Variants in ABLIM2 observed in about 807,000 individuals in gnomAD.
ABLIM2 encodes actin-binding LIM protein 2.
ABLIM2 carries 53 observed loss-of-function variants against 97.7 expected under a neutral mutation model. The observed-to-expected ratio is 0.54, with a 90% CI of 0.44 to 0.68. The LOEUF (loss-of-function observed/expected upper bound fraction) is 0.68. Ranked by LOEUF, ABLIM2 falls within the 30% of genes least tolerant of loss-of-function variation. The probability of loss-of-function intolerance (pLI) is 0.00; values close to 1 mark genes in which losing one functional copy is unlikely to be tolerated. For missense variants in ABLIM2, 835 were observed against 867.2 expected (o/e 0.96, Z 0.47); for synonymous variants, 361 against 345.8 (o/e 1.04, Z -0.49).
At position 8,058,125 on chromosome 4, in the gene ABLIM2, G is replaced by A. The variant is rs1237582706; in HGVS notation, c.763+2842C>T. On this transcript the variant is annotated intron_variant, in intron 7 of 20. Transcript: ENST00000447017. The surrounding 1 kb of genome is among the most constrained non-coding windows in gnomAD (Gnocchi z 4.2). Reference sequence around the variant, plus strand: ...GAGGTTACCCTTGATGTGAACTCGTGTCCCCGAGCTGCTGTCCCAAGGCCA... The same window carrying A: ...GAGGTTACCCTTGATGTGAACTCGTATCCCCGAGCTGCTGTCCCAAGGCCA... Among the ~76,000 whole-genome samples the A allele has an allele frequency of 1.3e-5, 2 of 152,240 alleles. No individual in the cohort carries two copies. Among genetic ancestry groups the A allele is most frequent in the African/African-American group, 4.8e-5 (2 of 41,466 alleles).
At chr4:7,995,508 G>A (rs912598315) in intron 16 of ABLIM2, among the ~76,000 whole-genome samples, 12 of 152,168 alleles carry the variant, frequency 7.9e-5, no homozygotes, top group African/African-American at 2.9e-4. Context: ...TGCTTCTCCG[G>A]GGGCCTTTCA....
At position 8,019,670 on chromosome 4, in the gene ABLIM2, G is replaced by A; in HGVS notation, c.1371C>T (p.Asp457=). 1 of 1,611,972 alleles carries A rather than the reference G, an allele frequency of 6.2e-7. No individual in the cohort carries two copies. Among genetic ancestry groups the A allele is most frequent in the Non-Finnish European group, 8.5e-7 (1 of 1,178,788 alleles). Reference sequence around the variant, plus strand: ...TATAGATGTTATCTTTTACGCCAGTGTCTGGGGAAGAAGAAAGAAAAAAAA... The same window carrying A: ...TATAGATGTTATCTTTTACGCCAGTATCTGGGGAAGAAGAAAGAAAAAAAA... The part of the protein sequence containing the change: ...QQAPRHFHVP[D]TGVKDNIYRK... Residue 457 remains aspartate, a splice_region_variant and synonymous_variant, in exon 14 of 21, where the codon GAC becomes GAT. Coordinates refer to ENST00000447017, the MANE Select transcript of ABLIM2 (RefSeq NM_001130083.2). This position sits in a 1 kb window ranked among gnomAD's most constrained non-coding sequence, Gnocchi z 4.3.
chr4:8,089,919 C>A (rs888118422), intron 3 of ABLIM2, among the ~76,000 whole-genome samples: 6 of 152,160 alleles, frequency 3.9e-5, no homozygotes, highest in East Asian at 1.9e-4. Flanking sequence ...CCTGGCCTCC[C>A]ACCAGGGCCT....
At chr4:8,145,871 C>A (rs1170039423) in intron 1 of ABLIM2, among the ~76,000 whole-genome samples, 1 of 151,876 alleles carries the variant, frequency 6.6e-6, no homozygotes, top group Non-Finnish European at 1.5e-5. Flanking sequence ...AATAGAGTAT[C>A]TCAGAGCAAG....
In ABLIM2 at chr4:8,036,244, T is replaced by C. The variant is rs1226613969; in HGVS notation, c.952A>G (p.Lys318Glu). The change falls in exon 10 of 21, where the codon AAA becomes GAA. Residue 318 changes from lysine (K) to glutamate (E), a missense_variant. Lys to Glu is a moderately conservative substitution (Grantham distance 56, BLOSUM62 1). Transcript: ENST00000447017. ...LDYRDLAALP[K>E]SKAIYDIDRP... is the part of the protein sequence containing the mutation. Reference sequence around the variant, plus strand: ...TCGATGTCATAGATGGCCTTACTTTTAGGAAGGGCTGCCAAGTCCCTGTAG... The same window carrying C: ...TCGATGTCATAGATGGCCTTACTTTCAGGAAGGGCTGCCAAGTCCCTGTAG... The C allele has an allele frequency of 2.0e-5, 33 of 1,613,634 alleles. No individual in the cohort carries two copies. Among genetic ancestry groups the C allele is most frequent in the Non-Finnish European group, 2.6e-5 (31 of 1,179,796 alleles).
At chr4:7,997,312 C>G (rs1012966264) in intron 16 of ABLIM2, among the ~76,000 whole-genome samples, 2 of 152,154 alleles carry the variant, frequency 1.3e-5, no homozygotes, top group Non-Finnish European at 2.9e-5. Context: ...TCTCGTGATC[C>G]GCCCACCTCG....
chr4:8,119,396 T>C (rs188849196), intron 1 of ABLIM2, among the ~76,000 whole-genome samples: 140 of 150,990 alleles, frequency 9.3e-4, no homozygotes, highest in African/African-American at 3.3e-3. Context: ...GGCATGATCT[T>C]GGCTCAGTGC....
intron 20 of ABLIM2, among the ~76,000 whole-genome samples, chr4:7,969,763 AC>A (rs1560302242): frequency 6.8e-6 from 1 of 147,560 alleles, no homozygotes; most frequent in East Asian, 2.1e-4. Flanking sequence ...ACACACACAC[AC>A]ACACAGCCTA....
In ABLIM2 at chr4:8,127,225, C is replaced by T. The variant is rs764578333; in HGVS notation, c.11-20588G>A. ...TGGTCAGTGGGTGCTGGAGTCCAGA[C>T]GCAGCTCCGATACCAGCACCGTGTG... On this transcript the variant is annotated intron_variant, in intron 1 of 20. Transcript: ENST00000447017. This position sits in a 1 kb window ranked among gnomAD's most constrained non-coding sequence, Gnocchi z 7.3. 3.3e-5 allele frequency among the ~76,000 whole-genome samples: 5 copies of T among 152,266 alleles called. No individual in the cohort carries two copies. The highest frequency in any genetic ancestry group is 3.9e-4 in the East Asian group (2 of 5,168).
intron 20 of ABLIM2, among the ~76,000 whole-genome samples, chr4:7,967,831 G>A (rs1021152074): frequency 3.9e-5 from 6 of 152,226 alleles, no homozygotes; most frequent in South Asian, 2.1e-4. Context: ...GGAGCTGTGG[G>A]GAGGAAGGCG....
intron 2 of ABLIM2, among the ~76,000 whole-genome samples, chr4:8,105,989 G>A (rs1418527480): frequency 3.3e-5 from 5 of 152,080 alleles, no homozygotes; most frequent in Non-Finnish European, 7.4e-5. Context: ...TTGGAATTTA[G>A]TAGATTATTT....
chr4:8,012,645 C>T (rs764951577), intron 14 of ABLIM2, among the ~76,000 whole-genome samples: 1 of 151,810 alleles, frequency 6.6e-6, no homozygotes, highest in Admixed American at 6.6e-5. Flanking sequence ...TCCATCCACC[C>T]ACCACCCATC....
chr4:7,992,812 TC>T lies in ABLIM2; in HGVS notation c.1680+53del. ...GGTCAAGAAGCTGTGGGAAACGTGCTCAGCCTCACAGCAATCGTTAGTACCC... is the reference window on the plus strand; with the variant it reads ...GGTCAAGAAGCTGTGGGAAACGTGCTAGCCTCACAGCAATCGTTAGTACCC... On this transcript the variant is annotated intron_variant, in intron 17 of 20. Transcript: ENST00000447017. This position sits in a 1 kb window ranked among gnomAD's most constrained non-coding sequence, Gnocchi z 5.7. 2 of 1,580,576 alleles carry T rather than the reference TC, an allele frequency of 1.3e-6. No individual in the cohort carries two copies. The highest frequency in any genetic ancestry group is 1.7e-6 in the Non-Finnish European group (2 of 1,156,244).
At chr4:7,975,800 G>T (rs562051624) in intron 20 of ABLIM2, among the ~76,000 whole-genome samples, 28 of 152,226 alleles carry the variant, frequency 1.8e-4, no homozygotes, top group Non-Finnish European at 3.2e-4. Context: ...GTTGTGTTTT[G>T]GGAACTTAGA....
rs1002561921 is a variant in ABLIM2, at chr4:8,005,621, G to C, written c.1618+2438C>G. 6.6e-6 allele frequency among the ~76,000 whole-genome samples: 1 copy of C among 152,184 alleles called. No homozygotes were observed. Among genetic ancestry groups the C allele is most frequent in the Non-Finnish European group, 1.5e-5 (1 of 68,042 alleles). On this transcript the variant is annotated intron_variant, in intron 16 of 20. Transcript: ENST00000447017. This position sits in a 1 kb window ranked among gnomAD's most constrained non-coding sequence, Gnocchi z 4.9. ...CCTTCCCGCCTGGATTCCTCAGGAG[G>C]CCGCAGACGGCAAGGCTCACCTGAT...
rs116547172 is a variant in ABLIM2, at chr4:8,156,632, C to T, written c.10+2048G>A. ...CAGGCTGCCCTGGGCTCTAAGCCTTCGGCCCATTTGGGCAGCTGGAGACTG... is the reference window on the plus strand; with the variant it reads ...CAGGCTGCCCTGGGCTCTAAGCCTTTGGCCCATTTGGGCAGCTGGAGACTG... On this transcript the variant is annotated intron_variant, in intron 1 of 20. Coordinates refer to ENST00000447017, the MANE Select transcript of ABLIM2 (RefSeq NM_001130083.2). Among the ~76,000 whole-genome samples, 527 of 152,336 alleles carry T rather than the reference C, an allele frequency of 3.5e-3. 2 individuals carry two copies. The highest frequency in any genetic ancestry group is 0.012 in the African/African-American group (499 of 41,574).
intron 6 of ABLIM2, among the ~76,000 whole-genome samples, chr4:8,077,323 C>T (rs1432747256): frequency 2.0e-5 from 3 of 152,148 alleles, no homozygotes; most frequent in Non-Finnish European, 4.4e-5. Context: ...TCTTCCGTGC[C>T]TCTGAGTCCC....
chr4:7,990,067 G>A (rs1747500169), intron 17 of ABLIM2, among the ~76,000 whole-genome samples: 1 of 152,106 alleles, frequency 6.6e-6, no homozygotes, highest in Non-Finnish European at 1.5e-5. Context: ...GAACACCCAG[G>A]AAAGCCTTTG....
intron 1 of ABLIM2, among the ~76,000 whole-genome samples, chr4:8,116,465 C>A (rs1200310092): frequency 6.6e-6 from 1 of 152,196 alleles, no homozygotes; most frequent in Non-Finnish European, 1.5e-5. Context: ...GGAACGGGTT[C>A]TCTAAATCCG....
Sources: allele counts gnomAD v4.1 joint callset (sites outside exome capture counted in the v4.1 genomes callset), GRCh38; gene constraint gnomAD v4.1.1; non-coding constraint Gnocchi (gnomAD v3.1); transcripts MANE v1.5; gene names NCBI Gene and HGNC (gene_info 2026-07-23, HGNC 2026-07-21).